The following SEMA3A variants were observed in gnomAD, a reference collection of about 807,000 sequenced individuals.
SEMA3A encodes semaphorin 3A.
SEMA3A carries 29 observed loss-of-function variants against 97.9 expected under a neutral mutation model. That is an observed-to-expected ratio of 0.30 (90% CI 0.22 to 0.40). The LOEUF is 0.40. SEMA3A is among the 10% of genes least tolerant of loss of function. SEMA3A has a pLI of 1.00. For synonymous variants in SEMA3A, 321 were observed against 323.7 expected (o/e 0.99, Z 0.09); for missense variants, 763 against 951.3 (o/e 0.80, Z 2.60).
chr7:84,426,407 G>A lies in SEMA3A; in HGVS notation c.-245-54507C>T, dbSNP rs116117239. ...TAAGTATTTGTTGACTGATATGGTC[G>A]ATGAACCACAATCAATATTATGTAA... is the stretch of plus-strand genomic sequence containing the variant. On this transcript the variant is annotated intron_variant, in intron 1 of 3. Coordinates refer to the SEMA3A transcript ENST00000424555. Among the ~76,000 whole-genome samples, 779 of 152,084 alleles carry A rather than the reference G, an allele frequency of 5.1e-3. 6 individuals carry two copies. The highest frequency in any genetic ancestry group is 0.018 in the African/African-American group (748 of 41,500).
At chr7:84,467,595 G>T (rs1004990773) in intron 1 of SEMA3A, among the ~76,000 whole-genome samples, 1 of 147,344 alleles carries the variant, frequency 6.8e-6, no homozygotes, top group Non-Finnish European at 1.5e-5. Flanking sequence ...CCTAAACACT[G>T]AACTACGACT....
intron 1 of SEMA3A, among the ~76,000 whole-genome samples, chr7:84,393,259 C>T (rs1191511913): frequency 6.6e-6 from 1 of 152,046 alleles, no homozygotes; most frequent in Admixed American, 6.6e-5. Context: ...CATTCCTTTG[C>T]ATAAGGATAT....
At chr7:84,430,342 G>A (rs1250959997) in intron 1 of SEMA3A, among the ~76,000 whole-genome samples, 1 of 151,842 alleles carries the variant, frequency 6.6e-6, no homozygotes, top group Non-Finnish European at 1.5e-5. Flanking sequence ...ACCAAATATA[G>A]TTAACTAAAT....
At chr7:84,034,347 G>A (rs1474607000) in intron 6 of SEMA3A, among the ~76,000 whole-genome samples, 3 of 152,042 alleles carry the variant, frequency 2.0e-5, no homozygotes, top group African/African-American at 7.2e-5. Flanking sequence ...TTCCTTACAT[G>A]TAAATATTTT....
intron 1 of SEMA3A, among the ~76,000 whole-genome samples, chr7:84,391,898 G>C (rs1803589019): frequency 6.6e-6 from 1 of 151,670 alleles, no homozygotes; most frequent in Non-Finnish European, 1.5e-5. Context: ...ACCTGAGCCT[G>C]GGAGGTAGCC....
At chr7:84,119,913 T>C (rs1795552842) in intron 3 of SEMA3A, among the ~76,000 whole-genome samples, 1 of 152,136 alleles carries the variant, frequency 6.6e-6, no homozygotes, top group Non-Finnish European at 1.5e-5. Context: ...GATGCATGGA[T>C]GAATTATGGT....
chr7:84,381,960 T>A (rs1018582091), intron 1 of SEMA3A, among the ~76,000 whole-genome samples: 1 of 152,112 alleles, frequency 6.6e-6, no homozygotes, highest in South Asian at 2.1e-4. Flanking sequence ...AGAACAAGAA[T>A]TGGGTAGTTG....
intron 5 of SEMA3A, among the ~76,000 whole-genome samples, chr7:84,054,367 G>A (rs1319572071): frequency 1.7e-4 from 26 of 151,474 alleles, no homozygotes; most frequent in African/African-American, 6.0e-4. Flanking sequence ...ATGTAGATTT[G>A]GTCTTTTCAC....
At chr7:84,135,256 A>ATGC (rs1360993687) in intron 1 of SEMA3A, among the ~76,000 whole-genome samples, 3 of 151,636 alleles carry the variant, frequency 2.0e-5, no homozygotes, top group Non-Finnish European at 4.4e-5. Flanking sequence ...GATTACAGAC[A>ATGC]TGCACCACTA....
chr7:84,393,930 G>A (rs1207656321), intron 1 of SEMA3A, among the ~76,000 whole-genome samples: 1 of 152,120 alleles, frequency 6.6e-6, no homozygotes, highest in Non-Finnish European at 1.5e-5. Flanking sequence ...AGTCTCTCTT[G>A]AAGCTAGAAA....
intron 1 of SEMA3A, among the ~76,000 whole-genome samples, chr7:84,401,484 A>G (rs1266529328): frequency 7.1e-6 from 1 of 140,514 alleles, no homozygotes; most frequent in Non-Finnish European, 1.5e-5. Context: ...TCTTGTTCAC[A>G]GAAATAGAAA....
chr7:84,344,554 G>A (rs747606611), intron 2 of SEMA3A, among the ~76,000 whole-genome samples: 4 of 152,074 alleles, frequency 2.6e-5, no homozygotes, highest in African/African-American at 4.8e-5. Context: ...TTAGAGTCAC[G>A]AAAAAGACAG....
intron 3 of SEMA3A, among the ~76,000 whole-genome samples, chr7:84,273,707 A>C (rs1176467220): frequency 6.6e-6 from 1 of 152,144 alleles, no homozygotes; most frequent in Non-Finnish European, 1.5e-5. Flanking sequence ...GTAGTTTAAT[A>C]TATATACATG....
intron 2 of SEMA3A, among the ~76,000 whole-genome samples, chr7:84,315,329 T>C (rs781448916): frequency 4.5e-4 from 69 of 152,136 alleles, no homozygotes; most frequent in African/African-American, 1.7e-3. Context: ...ACAAACCCCA[T>C]GAAGGAAAGA....
intron 1 of SEMA3A, among the ~76,000 whole-genome samples, chr7:84,452,039 T>A (rs1805570103): frequency 6.6e-6 from 1 of 152,186 alleles, no homozygotes; most frequent in South Asian, 2.1e-4. Flanking sequence ...TCAAATATAT[T>A]TTTTAAAATT....
At chr7:84,240,929 A>G (rs1294674389) in intron 3 of SEMA3A, among the ~76,000 whole-genome samples, 1 of 152,202 alleles carries the variant, frequency 6.6e-6, no homozygotes, top group East Asian at 1.9e-4. Context: ...TTCAAAGAAC[A>G]TGAATTCATC....
intron 3 of SEMA3A, among the ~76,000 whole-genome samples, chr7:84,244,695 C>T (rs1321835887): frequency 1.3e-5 from 2 of 152,042 alleles, no homozygotes; most frequent in Admixed American, 1.3e-4. Context: ...ATAGTCTTTA[C>T]AATTTTGTGT....
Position 84,403,404 on chromosome 7 carries a change from T to C in SEMA3A, c.-245-31504A>G, listed in dbSNP as rs562291186. ...AGGTAAACAAAGCGGCTGGGAAGCTTGAACTGGGTGGAGCCCACCACAGCT... is the reference window on the plus strand; with the variant it reads ...AGGTAAACAAAGCGGCTGGGAAGCTCGAACTGGGTGGAGCCCACCACAGCT... On this transcript the variant is annotated intron_variant, in intron 1 of 3. Transcript: ENST00000424555. Among the ~76,000 whole-genome samples, 106 of 152,254 alleles carry C rather than the reference T, an allele frequency of 7.0e-4. 1 individual carries two copies. The highest frequency in any genetic ancestry group is 2.4e-3 in the African/African-American group (98 of 41,572).
chr7:84,243,415 C>G (rs149775034), intron 3 of SEMA3A, among the ~76,000 whole-genome samples: 1 of 152,122 alleles, frequency 6.6e-6, no homozygotes, highest in East Asian at 1.9e-4. Context: ...TTCTTCTAGA[C>G]TTTCTAGTTT....
Sources: allele counts gnomAD v4.1 joint callset (sites outside exome capture counted in the v4.1 genomes callset), GRCh38; gene constraint gnomAD v4.1.1; transcripts MANE v1.5; gene names NCBI Gene and HGNC (gene_info 2026-07-23, HGNC 2026-07-21).